The following TNRC18 variants were observed in gnomAD, a reference collection of about 807,000 sequenced individuals.
TNRC18 encodes trinucleotide repeat containing 18.
In TNRC18, 69 loss-of-function variants were observed where a neutral mutation model predicts 226.7. That is an observed-to-expected ratio of 0.30 (90% confidence interval 0.25 to 0.37). TNRC18 has a LOEUF of 0.37. TNRC18 is among the 10% of genes least tolerant of loss of function. The pLI is 1.00. For synonymous variants in TNRC18, 2,449 were observed against 1,927.6 expected, an observed-to-expected ratio of 1.27 and a Z score of -7.09; for missense variants, 4,754 against 4,256.6, an observed-to-expected ratio of 1.12 and a Z score of -3.25.
At chr7:5,365,025 G>T (rs1008133461) in intron 11 of TNRC18, among the ~76,000 whole-genome samples, 2 of 138,610 alleles carry the variant, frequency 1.4e-5, no homozygotes, top group African/African-American at 5.2e-5. Flanking sequence ...AGAATCATGT[G>T]GGGGGGCGGG....
chr7:5,388,019 A>T lies in TNRC18; in HGVS notation c.1805T>A (p.Val602Glu), dbSNP rs1429669427. ...CTTCTTGCCACAGCCACCAGGGCGC[A>T]CGGCCACGGCGTCCCGGGCAAAGCT... ...SGSFARDAVAVRPGGCGKKSP... is the reference protein window; with the variant it reads ...SGSFARDAVAERPGGCGKKSP... The change falls in exon 5 of 30, where the codon GTG becomes GAG. Residue 602 changes from valine (V) to glutamate (E), a missense_variant. Coordinates refer to ENST00000430969, the MANE Select transcript of TNRC18 (RefSeq NM_001080495.3). 5.1e-6 allele frequency: 8 copies of T among 1,574,528 alleles called. No individual in the cohort carries two copies.
Position 5,377,800 on chromosome 7 carries a change from G to A in TNRC18, c.2255+122C>T, listed in dbSNP as rs1455569716. On this transcript the variant is annotated intron_variant, in intron 6 of 29. Coordinates refer to ENST00000430969, the MANE Select transcript of TNRC18 (RefSeq NM_001080495.3). This position sits in a 1 kb window ranked among gnomAD's most constrained non-coding sequence, Gnocchi z 5.8. The stretch of plus-strand genomic sequence containing the variant: ...GATGCTGAGGACCAGAGTGACTCCC[G>A]CTCTCAGTACCATAGCATCCATGGT... 2.0e-5 allele frequency: 21 copies of A among 1,059,474 alleles called. No individual in the cohort carries two copies. Among genetic ancestry groups the A allele is most frequent in the African/African-American group, 3.1e-5 (2 of 63,798 alleles). 65.6% of individuals were successfully genotyped at this position (1,059,474 alleles called of 1,614,324 possible).
At chr7:5,416,185 C>T (rs950335501) in intron 2 of TNRC18, among the ~76,000 whole-genome samples, 39 of 150,152 alleles carry the variant, frequency 2.6e-4, no homozygotes, top group African/African-American at 9.6e-4. Flanking sequence ...GAGGCCGAGG[C>T]GGGTGGATCA....
At chr7:5,336,561 G>C (rs1358740127) in intron 18 of TNRC18, among the ~76,000 whole-genome samples, 1 of 146,766 alleles carries the variant, frequency 6.8e-6, no homozygotes, top group African/African-American at 2.4e-5. Context: ...GGGCAACATA[G>C]CAAGACTCTG....
At chr7:5,359,670 G>A (rs907977257) in intron 14 of TNRC18, 101 bp from the exon 15 acceptor site, 2 of 1,361,174 alleles carry the variant, frequency 1.5e-6, no homozygotes, top group African/African-American at 1.4e-5. Context: ...TGGACCCTGA[G>A]CGTGGACAGT....
intron 11 of TNRC18, among the ~76,000 whole-genome samples, chr7:5,363,177 C>G (rs1402954619): frequency 1.3e-5 from 2 of 152,174 alleles, no homozygotes; most frequent in Non-Finnish European, 2.9e-5. Context: ...GTGGCACACG[C>G]CTGGAATCCC....
chr7:5,319,789 C>A (rs1302337978), intron 24 of TNRC18, among the ~76,000 whole-genome samples: 1 of 152,188 alleles, frequency 6.6e-6, no homozygotes, highest in Non-Finnish European at 1.5e-5. Flanking sequence ...GGATTACAGG[C>A]ATGAGCCACC....
At chr7:5,345,877 C>A (rs1325766100) in intron 17 of TNRC18, 67 bp from the exon 18 acceptor site, 4 of 1,487,958 alleles carry the variant, frequency 2.7e-6, no homozygotes, top group Non-Finnish European at 3.6e-6. Flanking sequence ...CCCACCGCCC[C>A]CTGGCCCAGA....
At chr7:5,375,288 G>A (rs530868365) in intron 9 of TNRC18, among the ~76,000 whole-genome samples, 108 of 152,090 alleles carry the variant, frequency 7.1e-4, no homozygotes, top group Non-Finnish European at 8.8e-4. Context: ...CAGCCTGGGC[G>A]ACAGAGCAAG....
intron 2 of TNRC18, among the ~76,000 whole-genome samples, chr7:5,414,679 T>C (rs1169199373): frequency 6.6e-6 from 1 of 152,246 alleles, no homozygotes; most frequent in Non-Finnish European, 1.5e-5. Flanking sequence ...CCCAAAGTAC[T>C]GGGATTACAG....
chr7:5,393,730 G>A (rs1780464281), intron 3 of TNRC18, among the ~76,000 whole-genome samples: 1 of 152,152 alleles, frequency 6.6e-6, no homozygotes. Context: ...TCCTTTGCAG[G>A]CAGAAAATCA....
intron 17 of TNRC18, among the ~76,000 whole-genome samples, chr7:5,348,217 TGA>T (rs1238276095): frequency 6.6e-6 from 1 of 152,176 alleles, no homozygotes; most frequent in South Asian, 2.1e-4. Flanking sequence ...GTGGAAGGCC[TGA>T]GAGAGCAAAC....
At chr7:5,389,468 T>TGTTTTTTTTTTTG (rs757813270) in intron 4 of TNRC18, 132 bp from the exon 5 acceptor site, 3 of 1,102,072 alleles carry the variant, frequency 2.7e-6, no homozygotes, top group African/African-American at 1.8e-5. Context: ...TTGGTTTTTT[T>TGTTTTTTTTTTTG]TTTCAGAAAG....
rs753719860 is a variant in TNRC18, at chr7:5,313,199, ACTGCTG to A, written c.7686_7691del (p.Ser2564_Ser2565del). On this transcript the variant is annotated inframe_deletion, in exon 27 of 30. Coordinates refer to ENST00000430969, the MANE Select transcript of TNRC18 (RefSeq NM_001080495.3). ...TGCTGCTGCTGCTACTGCTGCCACT[ACTGCTG>A]CTGCTGCTGCTCTCGGACTCTTCGG... is the stretch of plus-strand genomic sequence containing the variant. 12 of 1,539,010 alleles carry A rather than the reference ACTGCTG, an allele frequency of 7.8e-6. No homozygotes were observed. The East Asian group carries it at 2.7e-4, about 35-fold the overall frequency.
intron 2 of TNRC18, among the ~76,000 whole-genome samples, chr7:5,408,723 G>A (rs922373391): frequency 5.9e-5 from 9 of 152,164 alleles, no homozygotes; most frequent in African/African-American, 2.2e-4. Context: ...AGTGGAGAGT[G>A]GGGAAAAGAA....
intron 18 of TNRC18, among the ~76,000 whole-genome samples, chr7:5,340,774 C>T (rs1250234901): frequency 1.3e-5 from 2 of 151,880 alleles, no homozygotes; most frequent in African/African-American, 4.8e-5. Context: ...AGGAAAGAAG[C>T]CGTCTCCATA....
Position 5,313,487 on chromosome 7 carries a change from A to G in TNRC18, c.7404T>C (p.Gly2468=). The part of the protein sequence containing the change: ...AELLVKLDHE[G]VTSPKSKKAK... Reference sequence around the variant, plus strand: ...CCTTCTTGCTTTTGGGTGACGTGACACCCTCGTGGTCCAGTTTGACAAGCA... The same window carrying G: ...CCTTCTTGCTTTTGGGTGACGTGACGCCCTCGTGGTCCAGTTTGACAAGCA... Residue 2468 remains glycine, a synonymous_variant, in exon 27 of 30, where the codon GGT becomes GGC. Coordinates refer to ENST00000430969, the MANE Select transcript of TNRC18 (RefSeq NM_001080495.3). The G allele has an allele frequency of 1.2e-6, 2 of 1,612,848 alleles. No homozygotes were observed. Among genetic ancestry groups the G allele is most frequent in the South Asian group, 1.1e-5 (1 of 91,026 alleles).
chr7:5,353,722 C>T (rs1792071572), intron 16 of TNRC18, among the ~76,000 whole-genome samples: 1 of 152,160 alleles, frequency 6.6e-6, no homozygotes, highest in African/African-American at 2.4e-5. Context: ...TCTCTCTGAC[C>T]CAGAATTGCA....
At chr7:5,412,766 G>T (rs1035850925) in intron 2 of TNRC18, among the ~76,000 whole-genome samples, 1 of 152,144 alleles carries the variant, frequency 6.6e-6, no homozygotes, top group Non-Finnish European at 1.5e-5. Context: ...CCTCTAGATG[G>T]AGCAGTGTTC....
Sources: gnomAD v4.1 joint callset for allele counts (sites outside exome capture counted in the v4.1 genomes callset) on GRCh38, gnomAD v4.1.1 for gene constraint, Gnocchi (gnomAD v3.1) non-coding constraint, MANE v1.5 for transcripts, NCBI Gene and HGNC (gene_info 2026-07-23, HGNC 2026-07-21) for gene names.